The following NUP188 variants were observed in gnomAD, a reference collection of about 807,000 sequenced individuals.
The protein encoded by NUP188 is nucleoporin 188, also known as nucleoporin NUP188.
A neutral mutation model predicts 223.0 loss-of-function variants in NUP188; 97 were observed. The observed-to-expected ratio is 0.43, with a 90% confidence interval of 0.37 to 0.51. NUP188 has a LOEUF of 0.51. Ranked by LOEUF, NUP188 falls within the 20% of genes least tolerant of loss-of-function variation. The pLI is 0.00. For missense variants in NUP188, 1,947 were observed against 2,175.6 expected, an observed-to-expected ratio of 0.89 and a Z score of 2.09; for synonymous variants, 869 against 828.0, an observed-to-expected ratio of 1.05 and a Z score of -0.85.
intron 8 of NUP188, among the ~76,000 whole-genome samples, chr9:128,963,503 C>T (rs1418126847): frequency 8.0e-6 from 1 of 125,374 alleles, no homozygotes; most frequent in African/African-American, 3.0e-5. Context: ...CATGCCCAGC[C>T]GTAAATGAAA....
At chr9:128,994,587 G>C in intron 28 of NUP188, 145 bp downstream of exon 28, 2 of 727,590 alleles carry the variant, frequency 2.7e-6, no homozygotes, top group Non-Finnish European at 4.8e-6. Context: ...TCTCAGGGAA[G>C]TGCCAGCTTT....
intron 3 of NUP188, among the ~76,000 whole-genome samples, chr9:128,953,881 A>C (rs1841831254): frequency 6.6e-6 from 1 of 150,644 alleles, no homozygotes; most frequent in Admixed American, 6.6e-5. Context: ...CCCAGACTGG[A>C]GTGCAGTGTC....
chr9:128,958,981 T>C, intron 7 of NUP188, 34 bp from the exon 8 acceptor site: 1 of 1,455,720 alleles, frequency 6.9e-7, no homozygotes, highest in Non-Finnish European at 9.4e-7. Flanking sequence ...TACCTTTTAT[T>C]CTAGGTATAA....
At chr9:128,976,636 A>C (rs906816828) in intron 12 of NUP188, among the ~76,000 whole-genome samples, 3 of 151,452 alleles carry the variant, frequency 2.0e-5, no homozygotes, top group Non-Finnish European at 4.4e-5. Flanking sequence ...GTGACATTGC[A>C]CTCCAGCCTG....
At chr9:128,985,623 ATCTT>A (rs1842322325) in intron 20 of NUP188, among the ~76,000 whole-genome samples, 8 of 152,240 alleles carry the variant, frequency 5.3e-5, no homozygotes, top group Admixed American at 3.9e-4. Flanking sequence ...AGTAAAGAAT[ATCTT>A]AAGAGTCTCT....
chr9:128,987,086 AGAGTGTGTGTGTGTGTGTGTGT>A (rs1249320475), intron 22 of NUP188, among the ~76,000 whole-genome samples: 10 of 128,500 alleles, frequency 7.8e-5, no homozygotes, highest in Non-Finnish European at 1.6e-4. Flanking sequence ...AGAGAGAGAG[AGAGTGTGTGTGTGTGTGTGTGT>A]GTGTGTGTGT....
At chr9:128,987,928 C>T (rs754703481) in intron 23 of NUP188, 119 bp from the exon 24 acceptor site, 7 of 1,273,876 alleles carry the variant, frequency 5.5e-6, no homozygotes, top group Admixed American at 3.9e-5. Context: ...TGGACTGGGG[C>T]CTCTAACAGA....
At position 128,999,523 on chromosome 9, in the gene NUP188, G is replaced by A. The variant is rs572463845; in HGVS notation, c.3662-101G>A. 3,167 of 1,284,650 alleles carry A rather than the reference G, an allele frequency of 2.5e-3. 16 individuals are homozygous for A. Among genetic ancestry groups the A allele is most frequent in the Middle Eastern group, 0.012 (63 of 5,326 alleles). The allele number at this position is 1,284,650 out of a possible 1,614,324, so 79.6% of individuals were successfully genotyped here. A position where few individuals can be genotyped will look rare whatever the true frequency, so the allele number is the denominator to read the frequency against. On this transcript the variant is annotated intron_variant, in intron 33 of 43. Coordinates refer to ENST00000372577, the MANE Select transcript of NUP188 (RefSeq NM_015354.3). ...CTGGACAGATGCTGTCCCTCCTAGC[G>A]CCCTAGTACATCTCCAGCCCCTTCC...
Position 128,988,104 on chromosome 9 carries a change from A to G in NUP188, c.2451A>G (p.Ala817=), listed in dbSNP as rs752196336. ...TGCTGATCAAGACAGTGAAACTGGC[A>G]TTCTCCGTCACCAACAATGTTATTC... ...GQLLIKTVKL[A]FSVTNNVIRL... is the part of the protein sequence containing the mutation. Residue 817 remains alanine, a synonymous_variant, in exon 24 of 44, where the codon GCA becomes GCG. Coordinates refer to ENST00000372577, the MANE Select transcript of NUP188 (RefSeq NM_015354.3). 5 of 1,614,122 alleles carry G rather than the reference A, an allele frequency of 3.1e-6. No homozygotes were observed. The African/African-American group carries it at 5.3e-5, about 17-fold the overall frequency.
rs140502719 is a variant in NUP188, at chr9:128,986,941, A to G, written c.2264+66A>G. On this transcript the variant is annotated intron_variant, in intron 22 of 43. Transcript: ENST00000372577. The stretch of plus-strand genomic sequence containing the variant: ...GCAAGACACGGGCTTTTGCTGTGCA[A>G]AGCCGTCTCAGTTCTTCCAGAGAAT... 166 of 1,420,184 alleles carry G rather than the reference A, an allele frequency of 1.2e-4. No homozygotes were observed. The African/African-American group carries it at 2.0e-3, about 17-fold the overall frequency. 88.0% of individuals were successfully genotyped at this position (1,420,184 alleles called of 1,614,324 possible). A position where few individuals can be genotyped will look rare whatever the true frequency, so the allele number is the denominator to read the frequency against.
rs771613815 is a variant in NUP188, at chr9:129,006,707, C to T, written c.*29C>T. 2 of 1,596,506 alleles carry T rather than the reference C, an allele frequency of 1.3e-6. No homozygotes were observed. The highest frequency in any genetic ancestry group is 1.1e-5 in the South Asian group (1 of 88,660). The stretch of plus-strand genomic sequence containing the variant: ...AGTGCTGTTCTGCCCACCTACCCCT[C>T]TCCACCAGCCTACACTGCACCCTGG... On this transcript the variant is annotated 3_prime_UTR_variant, in exon 44 of 44. Transcript: ENST00000372577.
intron 15 of NUP188, among the ~76,000 whole-genome samples, 164 bp from the exon 16 acceptor site, chr9:128,982,385 G>A (rs1459091689): frequency 2.0e-5 from 3 of 151,826 alleles, no homozygotes; most frequent in Admixed American, 6.6e-5. Context: ...AGCCGAGATC[G>A]CGCCACTGCA....
chr9:128,961,581 T>TAGATAG (rs1564551901), intron 8 of NUP188, among the ~76,000 whole-genome samples: 3 of 130,548 alleles, frequency 2.3e-5, no homozygotes, highest in African/African-American at 1.2e-4. Flanking sequence ...TCTATATCTA[T>TAGATAG]CTATCTATCT....
chr9:128,993,241 T>C lies in NUP188; in HGVS notation c.2685T>C (p.Ala895=). 6.2e-7 allele frequency: 1 copy of C among 1,614,214 alleles called. No individual in the cohort carries two copies. Among genetic ancestry groups the C allele is most frequent in the Non-Finnish European group, 8.5e-7 (1 of 1,180,028 alleles). The change falls in exon 26 of 44, where the codon GCT becomes GCC. Residue 895 remains alanine, a synonymous_variant. Coordinates refer to ENST00000372577, the MANE Select transcript of NUP188 (RefSeq NM_015354.3). ...ATGCTTGTCTGGGCAATGATGCGGC[T>C]GCCATTCGTGATGCCTTCCTGACCC... ...SVYACLGNDA[A]AIRDAFLTRL... is the part of the protein sequence containing the mutation.
chr9:128,982,960 C>G lies in NUP188; in HGVS notation c.1728C>G (p.Ile576Met). ...KPIIDLVHKV[I>M]STDLSIADCL... ...TCATTGATCTCGTCCATAAGGTCAT[C>G]AGTACAGACCTGTCGATAGCAGACT... The change falls in exon 17 of 44, where the codon ATC becomes ATG. Residue 576 changes from isoleucine (I) to methionine (M), a missense_variant. Physicochemically the swap from Ile to Met is conservative, Grantham distance 10. This residue lies in a region of NUP188 where 817 missense variants were observed against 865.8 expected (regional missense o/e 0.94). Coordinates refer to ENST00000372577, the MANE Select transcript of NUP188 (RefSeq NM_015354.3). 5 of 1,614,078 alleles carry G rather than the reference C, an allele frequency of 3.1e-6. No homozygotes were observed. The highest frequency in any genetic ancestry group is 2.5e-6 in the Non-Finnish European group (3 of 1,179,962).
At chr9:128,993,716 G>A in intron 27 of NUP188, 22 bp downstream of exon 27, 2 of 1,610,110 alleles carry the variant, frequency 1.2e-6, no homozygotes, top group Non-Finnish European at 1.7e-6. Flanking sequence ...TCTGGGAGTA[G>A]TTTCATTGTT....
chr9:128,980,778 T>G lies in NUP188; in HGVS notation c.1389+53T>G, dbSNP rs1842243433. 3 of 1,581,716 alleles carry G rather than the reference T, an allele frequency of 1.9e-6. No homozygotes were observed. The African/African-American group carries it at 4.1e-5, about 21-fold the overall frequency. ...AGAATGGGAGATTCTTTATGGAGAC[T>G]TTATTAGGAATCTTTTTTGCTTTCC... On this transcript the variant is annotated intron_variant, in intron 14 of 43. Coordinates refer to ENST00000372577, the MANE Select transcript of NUP188 (RefSeq NM_015354.3).
chr9:129,003,254 G>T, intron 37 of NUP188, 63 bp from the exon 38 acceptor site: 1 of 1,554,244 alleles, frequency 6.4e-7, no homozygotes. Context: ...CAGGAGGGTA[G>T]GTGTGGGTAT....
At position 128,990,169 on chromosome 9, in the gene NUP188, C is replaced by G; in HGVS notation, c.2583C>G (p.His861Gln). Reference protein sequence around the residue: ...LIAVLAKYIYHKHDPALPRLA... With the variant: ...LIAVLAKYIYQKHDPALPRLA... ...CTGTTCTAGCCAAATACATCTACCA[C>G]AAACATGACCCTGCTTTGCCACGTC... is the stretch of plus-strand genomic sequence containing the variant. Residue 861 changes from histidine (H) to glutamine (Q), a missense_variant, in exon 25 of 44, where the codon CAC becomes CAG. This residue lies in a region of NUP188 where 225 missense variants were observed against 319.1 expected (regional missense o/e 0.71). Coordinates refer to ENST00000372577, the MANE Select transcript of NUP188 (RefSeq NM_015354.3). The G allele has an allele frequency of 3.1e-6, 5 of 1,614,198 alleles. No individual in the cohort carries two copies. The highest frequency in any genetic ancestry group is 4.2e-6 in the Non-Finnish European group (5 of 1,180,020).
Sources: gnomAD v4.1 joint callset for allele counts (sites outside exome capture counted in the v4.1 genomes callset) on GRCh38, gnomAD v4.1.1 for gene constraint, gnomAD v4.1.1 regional missense constraint, MANE v1.5 for transcripts, NCBI Gene and HGNC (gene_info 2026-07-23, HGNC 2026-07-21) for gene names.